Variants in KHDC4 observed in about 807,000 individuals in gnomAD.
KHDC4 encodes the protein KH homology domain-containing protein 4.
A neutral mutation model predicts 74.5 loss-of-function variants in KHDC4; 19 were observed. The observed-to-expected ratio is 0.26, with a 90% CI of 0.18 to 0.37. The LOEUF is 0.37. Ranked by LOEUF, KHDC4 falls within the 10% of genes least tolerant of loss-of-function variation. The probability of loss-of-function intolerance (pLI) is 1.00; values close to 1 mark genes in which losing one functional copy is unlikely to be tolerated. For missense variants in KHDC4, 632 were observed against 754.1 expected (o/e 0.84, Z 1.90); for synonymous variants, 253 against 266.1 (o/e 0.95, Z 0.48).
chr1:155,927,803 CAAAAAAAAAAAAAA>C lies in KHDC4; in HGVS notation c.465-661_465-648del, dbSNP rs1157393289. 1.5e-3 allele frequency among the ~76,000 whole-genome samples: 12 copies of C among 8,148 alleles called. No homozygotes were observed. In the South Asian group the frequency reaches 0.016, roughly 11 times the overall value. The allele number at this position is 8,148 out of a possible 152,430, so 5.3% of individuals were successfully genotyped here. A position where few individuals can be genotyped will look rare whatever the true frequency, so the allele number is the denominator to read the frequency against. On this transcript the variant is annotated intron_variant, in intron 4 of 13. Transcript: ENST00000368321. ...GGGCAACAGAACAAGACTCTGTCTC[CAAAAAAAAAAAAAA>C]AAAAAAAAAAAAAACCACACACACA...
intron 7 of KHDC4, 40 bp downstream of exon 7, chr1:155,925,592 T>G: frequency 6.5e-7 from 1 of 1,540,230 alleles, no homozygotes; most frequent in South Asian, 1.1e-5. Context: ...ACCAACAAGT[T>G]GACAAGAATT....
chr1:155,927,213 C>A, intron 4 of KHDC4, 57 bp from the exon 5 acceptor site: 2 of 1,284,082 alleles, frequency 1.6e-6, no homozygotes, highest in South Asian at 2.4e-5. Context: ...AAAAAGGAGT[C>A]AAATGGGTCA....
rs1673675835 is a variant in KHDC4 at position 155,913,764 on chromosome 1, A to G, written c.*357T>C. The G allele has an allele frequency of 5.1e-6, 1 of 196,946 alleles. No individual in the cohort carries two copies. The highest frequency in any genetic ancestry group is 1.0e-5 in the Non-Finnish European group (1 of 95,442). 12.2% of individuals were successfully genotyped at this position (196,946 alleles called of 1,614,324 possible). A position where few individuals can be genotyped will look rare whatever the true frequency, so the allele number is the denominator to read the frequency against. ...ACCAAACAGTAGTAAAATACAAATAAAACTTTCTTTATGTCAGAACTGGGG... is the reference window on the plus strand; with the variant it reads ...ACCAAACAGTAGTAAAATACAAATAGAACTTTCTTTATGTCAGAACTGGGG... On this transcript the variant is annotated 3_prime_UTR_variant, in exon 14 of 14. Coordinates refer to ENST00000368321, the MANE Select transcript of KHDC4 (RefSeq NM_014949.4).
At chr1:155,921,168 G>A in intron 10 of KHDC4, 1 of 589,282 alleles carries the variant, frequency 1.7e-6, no homozygotes, top group Admixed American at 3.0e-5. Flanking sequence ...TGGTGTGCAA[G>A]ACTTGTGAAA....
At chr1:155,927,832 CCACACACACACACACACACACACACACA>C (rs199711249) in intron 4 of KHDC4, among the ~76,000 whole-genome samples, 2 of 90,930 alleles carry the variant, frequency 2.2e-5, no homozygotes, top group Admixed American at 1.5e-4. Flanking sequence ...AAAAAAAAAA[CCACACACACACACACACACACACACACA>C]CACACACACA....
intron 8 of KHDC4, 29 bp from the exon 9 acceptor site, chr1:155,921,947 T>C (rs1005331634): frequency 1.2e-5 from 18 of 1,474,188 alleles, no homozygotes; most frequent in African/African-American, 2.8e-5. Context: ...CAAATTAACA[T>C]GGGACAGCCG....
chr1:155,927,859 CACACACACACACACAA>C (rs1407046849), intron 4 of KHDC4, among the ~76,000 whole-genome samples: 2,393 of 56,660 alleles, frequency 0.042, 44 homozygotes, highest in Middle Eastern at 0.1. Context: ...CACACACACA[CACACACACACACACAA>C]AATTAATGGG....
intron 2 of KHDC4, among the ~76,000 whole-genome samples, chr1:155,933,157 A>G (rs1185251189): frequency 6.6e-6 from 1 of 152,252 alleles, no homozygotes; most frequent in Non-Finnish European, 1.5e-5. Flanking sequence ...CAGCCCAATC[A>G]AAAACGCCTC....
At chr1:155,925,935 C>T in intron 6 of KHDC4, 92 bp from the exon 7 acceptor site, 8 of 1,107,546 alleles carry the variant, frequency 7.2e-6, no homozygotes, top group African/African-American at 1.5e-5. Flanking sequence ...ATAGCAAAGA[C>T]AGTCTCCTGT....
intron 10 of KHDC4, among the ~76,000 whole-genome samples, chr1:155,920,296 G>A (rs1454439259): frequency 1.3e-5 from 2 of 151,946 alleles, no homozygotes; most frequent in African/African-American, 4.8e-5. Context: ...AAATTAGCCA[G>A]GCGTGGTGGT....
At position 155,929,760 on chromosome 1, in the gene KHDC4, C is replaced by T. The variant is rs530937802; in HGVS notation, c.336G>A (p.Val112=). The T allele has an allele frequency of 2.5e-5, 41 of 1,612,862 alleles. No homozygotes were observed. Among genetic ancestry groups the T allele is most frequent in the Admixed American group, 5.0e-5 (3 of 59,818 alleles). The change falls in exon 3 of 14, where the codon GTG becomes GTA. Residue 112 remains valine (V), a synonymous_variant. Transcript: ENST00000368321. ...LVVAEVEIND[V]PLTCRNLLTR... The stretch of plus-strand genomic sequence containing the variant: ...TCAGCAAGTTCCTACATGTGAGAGG[C>T]ACATCATTAATTTCTACTTCAGCTA...
chr1:155,934,249 T>C, intron 1 of KHDC4, 87 bp downstream of exon 1: 1 of 1,405,720 alleles, frequency 7.1e-7, no homozygotes, highest in Non-Finnish European at 9.8e-7. Context: ...TTAAGGACCC[T>C]TCCACCCTAT....
At chr1:155,930,920 A>G (rs1282625706) in intron 2 of KHDC4, among the ~76,000 whole-genome samples, 2 of 152,200 alleles carry the variant, frequency 1.3e-5, no homozygotes, top group Non-Finnish European at 2.9e-5. Context: ...AGGCTCAGGC[A>G]GAATTGCTTG....
At chr1:155,922,948 G>T (rs1274022991) in intron 8 of KHDC4, among the ~76,000 whole-genome samples, 1 of 152,186 alleles carries the variant, frequency 6.6e-6, no homozygotes, top group East Asian at 1.9e-4. Context: ...GCTCACGCCT[G>T]TAATCCCAGC....
intron 7 of KHDC4, among the ~76,000 whole-genome samples, chr1:155,924,574 C>CTTT (rs550965042): frequency 3.0e-5 from 4 of 132,294 alleles, no homozygotes; most frequent in Non-Finnish European, 4.9e-5. Context: ...AATAATTTCT[C>CTTT]TTTTTTTTTT....
Position 155,913,368 on chromosome 1 carries a change from C to A in KHDC4, c.*753G>T, listed in dbSNP as rs1673669821. ...TGCAACCAGTTCTGGGAGAGAGAGA[C>A]CACTGTATTTCATTTCTGTGATGAG... On this transcript the variant is annotated 3_prime_UTR_variant, in exon 14 of 14. Transcript: ENST00000368321. The A allele has an allele frequency of 6.6e-6, 1 of 152,310 alleles. No homozygotes were observed. Among genetic ancestry groups the A allele is most frequent in the Non-Finnish European group, 1.5e-5 (1 of 68,030 alleles). 9.4% of individuals were successfully genotyped at this position (152,310 alleles called of 1,614,324 possible). A position where few individuals can be genotyped will look rare whatever the true frequency, so the allele number is the denominator to read the frequency against.
rs1400627808 is a variant in KHDC4, at chr1:155,915,861, T to C, written c.1645+12A>G. 2 of 1,541,186 alleles carry C rather than the reference T, an allele frequency of 1.3e-6. No individual in the cohort carries two copies. The highest frequency in any genetic ancestry group is 1.1e-5 in the South Asian group (1 of 86,972). On this transcript the variant is annotated intron_variant, in intron 13 of 13. Coordinates refer to ENST00000368321, the MANE Select transcript of KHDC4 (RefSeq NM_014949.4). The stretch of plus-strand genomic sequence containing the variant: ...AGCCACTCCCCTGTTCCCCCAGCTA[T>C]ATCACACTCACCATGGCTCCCTGTT...
Position 155,921,902 on chromosome 1 carries a change from G to C in KHDC4, c.971C>G (p.Ser324Cys), listed in dbSNP as rs893530191. 2 of 1,608,550 alleles carry C rather than the reference G, an allele frequency of 1.2e-6. No individual in the cohort carries two copies. The highest frequency in any genetic ancestry group is 4.5e-5 in the East Asian group (2 of 44,866). The change falls in exon 9 of 14, where the codon TCT becomes TGT. Residue 324 changes from serine to cysteine, a missense_variant. Physicochemically the swap from Ser to Cys is moderately radical, Grantham distance 112. This residue lies in a region of KHDC4 where 233 missense variants were observed against 342.6 expected (regional missense o/e 0.68). Transcript: ENST00000368321. ...NLLQTVHAEY[S>C]RFVNQINTAV... ...AGTATTAATCTGATTCACAAATCTA[G>C]AGTATTCAGCATGAACCTGAAAGAG...
At chr1:155,921,291 TA>T in intron 10 of KHDC4, 83 bp downstream of exon 10, 1 of 1,469,384 alleles carries the variant, frequency 6.8e-7, no homozygotes, top group Non-Finnish European at 9.4e-7. Context: ...TCACATGATT[TA>T]TTTCTGGAAT....
Sources: gnomAD v4.1 joint callset for allele counts (sites outside exome capture counted in the v4.1 genomes callset) on GRCh38, gnomAD v4.1.1 for gene constraint, gnomAD v4.1.1 regional missense constraint, MANE v1.5 for transcripts, NCBI Gene and HGNC (gene_info 2026-07-23, HGNC 2026-07-21) for gene names.